The following TTN variants were observed in gnomAD, a reference collection of about 807,000 sequenced individuals.
The protein encoded by TTN is titin, also known as connectin.
Under a neutral mutation model 3,223.0 loss-of-function variants are expected in TTN, and 1,525 were observed. That is an observed-to-expected ratio of 0.47 (90% CI 0.45 to 0.49). TTN has a LOEUF of 0.49. Ranked by LOEUF, TTN falls within the 20% of genes least tolerant of loss-of-function variation. The pLI, the probability that TTN is intolerant of heterozygous loss-of-function variation, is 0.00. For missense variants in TTN, 40,786 were observed against 43,424.0 expected (o/e 0.94, Z 5.40); for synonymous variants, 14,094 against 15,161.0 (o/e 0.93, Z 5.17).
rs756694670 is a variant in TTN at position 178,529,109 on chromosome 2, C to T, written c.106642G>A (p.Glu35548Lys). 5.0e-6 allele frequency: 8 copies of T among 1,610,446 alleles called. No individual in the cohort carries two copies. In the South Asian group the frequency reaches 7.7e-5, roughly 16 times the overall value. Residue 35548 changes from glutamate (E) to lysine (K), a missense_variant, in exon 360 of 363, where the codon GAA (glutamate) becomes AAA (lysine). Physicochemically the swap from Glu to Lys is moderately conservative, Grantham distance 56. Transcript: ENST00000589042. ...TTTGCCTCTGACATCTTAATTTCTT[C>T]AGACCTTAGGGCTTTTTGGGAAATT... is the stretch of plus-strand genomic sequence containing the variant. Reference protein sequence around the residue: ...EEISQKALRSEEIKMSEAKSQ... With the variant: ...EEISQKALRSKEIKMSEAKSQ...
chr2:178,755,194 A>G (rs1185156092), intron 46 of TTN, among the ~76,000 whole-genome samples: 2 of 152,050 alleles, frequency 1.3e-5, no homozygotes, highest in African/African-American at 2.4e-5. Context: ...ATCCAAAAGG[A>G]AAGTCCATGG....
rs766335191 is a variant in TTN at position 178,705,124 on chromosome 2, T to A, written c.29604+50A>T. 1.9e-6 allele frequency: 3 copies of A among 1,595,518 alleles called. No individual in the cohort carries two copies. The African/African-American group carries it at 4.1e-5, about 22-fold the overall frequency. On this transcript the variant is annotated intron_variant, in intron 103 of 362. Coordinates refer to ENST00000589042, the MANE Select transcript of TTN (RefSeq NM_001267550.2). ...GGTAATTCAAAGGGAATATGTGAGA[T>A]GTTTTAAATGTGACTTTTTTAGCAT... is the stretch of plus-strand genomic sequence containing the variant.
rs1194980208 is a variant in TTN, at chr2:178,693,999, A to C, written c.31436T>G (p.Val10479Gly). 1 of 1,610,484 alleles carries C rather than the reference A, an allele frequency of 6.2e-7. No individual in the cohort carries two copies. The highest frequency in any genetic ancestry group is 8.5e-7 in the Non-Finnish European group (1 of 1,177,900). Residue 10479 changes from valine to glycine, a missense_variant, in exon 118 of 363, where the codon GTG becomes GGG. By Grantham distance (109) the Val-to-Gly change is moderately radical. Coordinates refer to ENST00000589042, the MANE Select transcript of TTN (RefSeq NM_001267550.2). ...TGAAATAACCATCTTCTTTGTATGC[A>C]CAGCTGGTACTTTAAAGAGAGTATT... ...EEVIEVKVPA[V>G]HTKKMVISEE...
In TTN at chr2:178,721,865, C is replaced by A. The variant is rs757523256; in HGVS notation, c.22798G>T (p.Ala7600Ser). ...ATGATACCTTTTACACTGAGCTGAG[C>A]TGAGCACATGTCTTTGCCAACATCA... is the stretch of plus-strand genomic sequence containing the variant. Reference protein sequence around the residue: ...TNDVGKDMCSAQLSVKEPPKF... With the variant: ...TNDVGKDMCSSQLSVKEPPKF... Residue 7600 changes from alanine (A) to serine (S), a missense_variant, in exon 78 of 363, where the codon GCT becomes TCT. Transcript: ENST00000589042. The A allele has an allele frequency of 1.9e-6, 3 of 1,610,420 alleles. No homozygotes were observed. Among genetic ancestry groups the A allele is most frequent in the Admixed American group, 3.3e-5 (2 of 59,818 alleles).
Position 178,571,365 on chromosome 2 carries a change from C to G in TTN, c.74767G>C (p.Asp24923His). 1.2e-6 allele frequency: 2 copies of G among 1,613,342 alleles called. No individual in the cohort carries two copies. Among genetic ancestry groups the G allele is most frequent in the Non-Finnish European group, 1.7e-6 (2 of 1,179,542 alleles). ...GTPVVTLSSR[D>H]SMEVQWNEPI... ...TCATTCCATTGTACTTCCATGCTGT[C>G]CCTGGAGGACAGTGTGACAACTGGA... The change falls in exon 326 of 363, where the codon GAC (aspartate) becomes CAC (histidine). Residue 24923 changes from aspartate (D) to histidine (H), a missense_variant. Asp to His is a moderately conservative substitution (Grantham distance 81). Transcript: ENST00000589042.
chr2:178,695,406 T>C lies in TTN; in HGVS notation c.31212A>G (p.Ser10404=). ...IQVQKEVYEE[S]HERKVPAKVP... Reference sequence around the variant, plus strand: ...CTTTGGCTGGAACTTTTCTCTCATGTGATTCTGAAATAAAAACACAGGAAT... The same window carrying C: ...CTTTGGCTGGAACTTTTCTCTCATGCGATTCTGAAATAAAAACACAGGAAT... Residue 10404 remains serine (S), a synonymous_variant, in exon 115 of 363, where the codon TCA becomes TCG. Transcript: ENST00000589042. 6 of 1,612,174 alleles carry C rather than the reference T, an allele frequency of 3.7e-6. No homozygotes were observed. The highest frequency in any genetic ancestry group is 5.1e-6 in the Non-Finnish European group (6 of 1,178,580).
intron 6 of TTN, 33 bp from the exon 7 acceptor site, chr2:178,795,285 A>C: frequency 3.1e-6 from 5 of 1,603,440 alleles, no homozygotes; most frequent in Non-Finnish European, 4.3e-6. Flanking sequence ...CAAGAATGTC[A>C]AAGCAAGGAG....
At chr2:178,550,912 T>G in intron 336 of TTN, 55 bp downstream of exon 336, 1 of 1,554,534 alleles carries the variant, frequency 6.4e-7, no homozygotes, top group Non-Finnish European at 8.7e-7. Flanking sequence ...CCAAATGTGT[T>G]TTTTAAAAAT....
At chr2:178,717,067 G>A in intron 88 of TTN, 28 bp downstream of exon 88, 1 of 1,580,882 alleles carries the variant, frequency 6.3e-7, no homozygotes, top group Non-Finnish European at 8.6e-7. Context: ...ATGTAAAAGA[G>A]ATCTTGCTCC....
chr2:178,714,060 A>G lies in TTN; in HGVS notation c.26598T>C (p.Asp8866=), dbSNP rs2077093934. ...TPELSTKWFK[D]GKELTSDNKY... ...TGTTGTCACTTGTTAGCTCTTTTCC[A>G]TCCTTAAACCACTTAGTACTGAGTT... The change falls in exon 92 of 363, where the codon GAT becomes GAC. Residue 8866 remains aspartate, a synonymous_variant. Coordinates refer to ENST00000589042, the MANE Select transcript of TTN (RefSeq NM_001267550.2). The G allele has an allele frequency of 1.2e-6, 2 of 1,613,602 alleles. No individual in the cohort carries two copies. Among genetic ancestry groups the G allele is most frequent in the African/African-American group, 1.3e-5 (1 of 75,032 alleles).
In TTN at chr2:178,542,523, T is replaced by C; in HGVS notation, c.97233A>G (p.Glu32411=). ...GPPTGPIKID[E]IDATSITISW... ...AAATGGTAATTGATGTAGCATCAATTTCATCAATCTTAATAGGTCCTGTTG... is the reference window on the plus strand; with the variant it reads ...AAATGGTAATTGATGTAGCATCAATCTCATCAATCTTAATAGGTCCTGTTG... The change falls in exon 349 of 363, where the codon GAA becomes GAG. Residue 32411 remains glutamate (E), a synonymous_variant. Coordinates refer to ENST00000589042, the MANE Select transcript of TTN (RefSeq NM_001267550.2). The C allele has an allele frequency of 6.2e-7, 1 of 1,610,916 alleles. No homozygotes were observed. Among genetic ancestry groups the C allele is most frequent in the Non-Finnish European group, 8.5e-7 (1 of 1,177,414 alleles).
In TTN at chr2:178,562,789, G is replaced by A. The variant is rs878945174; in HGVS notation, c.83343C>T (p.Asp27781=). The A allele has an allele frequency of 6.2e-7, 1 of 1,613,202 alleles. No homozygotes were observed. The highest frequency in any genetic ancestry group is 1.3e-5 in the African/African-American group (1 of 74,898). Residue 27781 remains aspartate (D), a synonymous_variant, in exon 326 of 363, where the codon GAC becomes GAT. Coordinates refer to ENST00000589042, the MANE Select transcript of TTN (RefSeq NM_001267550.2). ...GTGGTTCCCAGGACAACGTCACTGA[G>A]TCTTTCTTCACTTCTCTTATGGTCA... ...VNLTIREVKK[D]SVTLSWEPPL... is the part of the protein sequence containing the mutation.
intron 313 of TTN, 58 bp downstream of exon 313, chr2:178,582,882 T>A: frequency 2.3e-6 from 3 of 1,323,264 alleles, no homozygotes; most frequent in Non-Finnish European, 3.0e-6. Flanking sequence ...CTGTAAATCC[T>A]ATTTACATCC....
Position 178,741,396 on chromosome 2 carries a change from G to A in TTN, c.11837C>T (p.Pro3946Leu). The A allele has an allele frequency of 6.2e-7, 1 of 1,613,846 alleles. No homozygotes were observed. ...CPPHFLKELK[P>L]IRCAQGLPAI... Reference sequence around the variant, plus strand: ...AGGAAGCCCTTGAGCACAGCGAATTGGTTTTAACTCCTTAAGGAAGTGAGG... The same window carrying A: ...AGGAAGCCCTTGAGCACAGCGAATTAGTTTTAACTCCTTAAGGAAGTGAGG... Residue 3946 changes from proline to leucine, a missense_variant, in exon 48 of 363, where the codon CCA becomes CTA. By Grantham distance (98) the Pro-to-Leu change is moderately conservative. Coordinates refer to ENST00000589042, the MANE Select transcript of TTN (RefSeq NM_001267550.2).
At chr2:178,734,293 T>G in intron 52 of TTN, 35 bp downstream of exon 52, 1 of 1,516,086 alleles carries the variant, frequency 6.6e-7, no homozygotes, top group Non-Finnish European at 8.8e-7. Flanking sequence ...AGTTTGACAA[T>G]TTATTAAAGA....
In TTN at chr2:178,713,252, T is replaced by C. The variant is rs766862084; in HGVS notation, c.26882A>G (p.His8961Arg). 6.9e-5 allele frequency: 111 copies of C among 1,612,748 alleles called. 1 individual carries two copies. The highest frequency in any genetic ancestry group is 1.3e-4 in the South Asian group (12 of 90,878). The change falls in exon 93 of 363, where the codon CAT becomes CGT. Residue 8961 changes from histidine to arginine, a missense_variant. By Grantham distance (29) the His-to-Arg change is conservative. Transcript: ENST00000589042. The part of the protein sequence containing the change: ...GSPPISVSWF[H>R]EGNEISSGRK... Reference sequence around the variant, plus strand: ...TCCACTACTGATCTCATTTCCTTCATGGAACCAGGAGACAGAGATTGGAGG... The same window carrying C: ...TCCACTACTGATCTCATTTCCTTCACGGAACCAGGAGACAGAGATTGGAGG...
chr2:178,590,003 C>T lies in TTN; in HGVS notation c.61722G>A (p.Gln20574=), dbSNP rs768511474. ...TGGTTACATTGGTAACCTTCAAATTCTGGCAAGGCCCAGGTCTGTCAAGGA... is the reference window on the plus strand; with the variant it reads ...TGGTTACATTGGTAACCTTCAAATTTTGGCAAGGCCCAGGTCTGTCAAGGA... ...VNVLDRPGPC[Q]NLKVTNVTKE... is the part of the protein sequence containing the mutation. Residue 20574 remains glutamine (Q), a synonymous_variant, in exon 304 of 363, where the codon CAG becomes CAA. Transcript: ENST00000589042. 2.5e-6 allele frequency: 4 copies of T among 1,613,192 alleles called. No homozygotes were observed. Among genetic ancestry groups the T allele is most frequent in the Non-Finnish European group, 3.4e-6 (4 of 1,179,496 alleles).
rs2058109086 is a variant in TTN, at chr2:178,620,583, G to A, written c.45938C>T (p.Thr15313Ile). The change falls in exon 248 of 363, where the codon ACA becomes ATA. Residue 15313 changes from threonine to isoleucine, a missense_variant. Physicochemically the swap from Thr to Ile is moderately conservative, Grantham distance 89. Coordinates refer to ENST00000589042, the MANE Select transcript of TTN (RefSeq NM_001267550.2). ...RIVEPLKDIE[T>I]MEKKSVTFWC... Reference sequence around the variant, plus strand: ...GAATGTGACAGATTTCTTCTCCATTGTTTCAATATCTTTAAGAGGCTCAAC... The same window carrying A: ...GAATGTGACAGATTTCTTCTCCATTATTTCAATATCTTTAAGAGGCTCAAC... 1 of 1,611,118 alleles carries A rather than the reference G, an allele frequency of 6.2e-7. No individual in the cohort carries two copies. The highest frequency in any genetic ancestry group is 8.5e-7 in the Non-Finnish European group (1 of 1,178,402).
In TTN at chr2:178,715,240, G is replaced by A. The variant is rs1414275142; in HGVS notation, c.25946C>T (p.Pro8649Leu). The change falls in exon 90 of 363, where the codon CCT (proline) becomes CTT (leucine). Residue 8649 changes from proline (P) to leucine (L), a missense_variant. Pro to Leu is a moderately conservative substitution (Grantham distance 98). Coordinates refer to ENST00000589042, the MANE Select transcript of TTN (RefSeq NM_001267550.2). ...TCCTTTCAGTGTCTCTATAGGATGAGGCTTTTTGCGGAAAATGGGTGGTTC... is the reference window on the plus strand; with the variant it reads ...TCCTTTCAGTGTCTCTATAGGATGAAGCTTTTTGCGGAAAATGGGTGGTTC... ...VKEPPIFRKK[P>L]HPIETLKGAD... 6.2e-7 allele frequency: 1 copy of A among 1,605,224 alleles called. No homozygotes were observed.
Sources: gnomAD v4.1 joint callset for allele counts (sites outside exome capture counted in the v4.1 genomes callset) on GRCh38, gnomAD v4.1.1 for gene constraint, MANE v1.5 for transcripts, NCBI Gene and HGNC (gene_info 2026-07-23, HGNC 2026-07-21) for gene names.